The following VWA8 variants were observed in gnomAD, a reference collection of about 807,000 sequenced individuals.
VWA8 encodes the protein von Willebrand factor A domain-containing protein 8.
VWA8 carries 221 observed loss-of-function variants against 241.5 expected under a neutral mutation model. That is an observed-to-expected ratio of 0.91 (90% confidence interval 0.82 to 1.02). The LOEUF is 1.02. Among genes scored for constraint, VWA8 ranks in the 50% least tolerant of loss-of-function variants. The probability of loss-of-function intolerance (pLI) is 0.00; values close to 1 mark genes in which losing one functional copy is unlikely to be tolerated. For synonymous variants in VWA8, 852 were observed against 827.1 expected (o/e 1.03, Z -0.52); for missense variants, 2,322 against 2,328.7 (o/e 1.00, Z 0.06).
intron 2 of VWA8, among the ~76,000 whole-genome samples, chr13:41,931,021 C>T (rs377147960): frequency 2.6e-5 from 4 of 151,806 alleles, no homozygotes; most frequent in South Asian, 2.1e-4. Flanking sequence ...TGGTGGCGCA[C>T]GCCTGTAGTC....
At chr13:41,781,357 G>A (rs530969279) in intron 19 of VWA8, among the ~76,000 whole-genome samples, 30 of 152,114 alleles carry the variant, frequency 2.0e-4, no homozygotes, top group African/African-American at 7.0e-4. Flanking sequence ...TGCTAGTCTC[G>A]TTGCCTGAGA....
chr13:41,645,482 T>C (rs74049537), intron 37 of VWA8, among the ~76,000 whole-genome samples: 1 of 152,212 alleles, frequency 6.6e-6, no homozygotes, highest in African/African-American at 2.4e-5. Flanking sequence ...ATATTACAAA[T>C]ACCAAACTGA....
chr13:41,789,481 T>C (rs1031234784), intron 17 of VWA8, among the ~76,000 whole-genome samples: 2 of 152,040 alleles, frequency 1.3e-5, no homozygotes, highest in African/African-American at 4.8e-5. Context: ...CAAAAAAAAA[T>C]TGGAAAAGCT....
In VWA8 at chr13:41,719,680, G is replaced by A; in HGVS notation, c.3027C>T (p.Asn1009=). ...VRNVFDFDSY[N]NDMREILINT... Reference sequence around the variant, plus strand: ...TAATCAATATCTCCCTCATGTCATTGTTGTAGGAATCAAAGTCAAACACAT... The same window carrying A: ...TAATCAATATCTCCCTCATGTCATTATTGTAGGAATCAAAGTCAAACACAT... Residue 1009 remains asparagine, a synonymous_variant, in exon 26 of 45, where the codon AAC becomes AAT. Transcript: ENST00000379310. 4 of 1,613,202 alleles carry A rather than the reference G, an allele frequency of 2.5e-6. 1 individual carries two copies. In the South Asian group the frequency reaches 4.4e-5, roughly 18 times the overall value.
intron 21 of VWA8, among the ~76,000 whole-genome samples, chr13:41,758,453 A>G (rs1488792763): frequency 4.5e-5 from 6 of 133,030 alleles, no homozygotes; most frequent in Non-Finnish European, 8.0e-5. Context: ...TATTCCATAT[A>G]TATGGAATAT....
chr13:41,699,313 TTCTC>T, intron 28 of VWA8, 43 bp from the exon 29 acceptor site: 1 of 1,596,692 alleles, frequency 6.3e-7, no homozygotes, highest in Non-Finnish European at 8.6e-7. Context: ...TGGCAACCAA[TTCTC>T]TAATTGGCCA....
intron 42 of VWA8, among the ~76,000 whole-genome samples, chr13:41,579,252 C>A (rs1010146807): frequency 6.6e-6 from 1 of 152,136 alleles, no homozygotes; most frequent in Non-Finnish European, 1.5e-5. Flanking sequence ...TATAAATACA[C>A]CATTCTCATT....
chr13:41,702,455 A>G (rs2045256542), intron 27 of VWA8, among the ~76,000 whole-genome samples: 1 of 152,228 alleles, frequency 6.6e-6, no homozygotes, highest in South Asian at 2.1e-4. Context: ...GATAGCAGAC[A>G]AGGAGGCTCT....
In VWA8 at chr13:41,911,067, T is replaced by C. The variant is rs914604756; in HGVS notation, c.372+971A>G. Among the ~76,000 whole-genome samples the C allele has an allele frequency of 8.8e-5, 13 of 148,468 alleles. No individual in the cohort carries two copies. The South Asian group carries it at 1.1e-3, about 12-fold the overall frequency. On this transcript the variant is annotated intron_variant, in intron 3 of 44. Coordinates refer to ENST00000379310, the MANE Select transcript of VWA8 (RefSeq NM_015058.2). The stretch of plus-strand genomic sequence containing the variant: ...AACATTTGTACATTTTCTTTCTTTT[T>C]TTTTTTTTTTTTTTGAGACGGAGTC...
intron 4 of VWA8, among the ~76,000 whole-genome samples, chr13:41,902,386 T>A (rs538032105): frequency 2.0e-5 from 3 of 152,344 alleles, no homozygotes; most frequent in African/African-American, 7.2e-5. Context: ...AAAATATTCA[T>A]GCTGCTCGTC....
rs151133535 is a variant in VWA8 at position 41,666,804 on chromosome 13, T to C, written c.4611+4142A>G. ...CAGGCAATGCCCAAGTGTTACCATA[T>C]AGGGAAACAGCTGGATCATCTTGCT... On this transcript the variant is annotated intron_variant, in intron 37 of 44. Transcript: ENST00000379310. 2.9e-4 allele frequency among the ~76,000 whole-genome samples: 44 copies of C among 152,200 alleles called. 1 individual carries two copies. In the East Asian group the frequency reaches 8.5e-3, roughly 29 times the overall value.
chr13:41,877,999 A>G (rs1182964631), intron 9 of VWA8, among the ~76,000 whole-genome samples: 1 of 152,080 alleles, frequency 6.6e-6, no homozygotes. Flanking sequence ...ATTCTATCTG[A>G]TTGAATTTTC....
At chr13:41,941,614 C>G (rs1271781580) in intron 2 of VWA8, among the ~76,000 whole-genome samples, 4 of 152,148 alleles carry the variant, frequency 2.6e-5, no homozygotes, top group Non-Finnish European at 5.9e-5. Context: ...ATATTTTTAG[C>G]ATATCTCTTC....
At chr13:41,687,419 A>G (rs2045144052) in intron 34 of VWA8, among the ~76,000 whole-genome samples, 1 of 152,192 alleles carries the variant, frequency 6.6e-6, no homozygotes, top group Non-Finnish European at 1.5e-5. Flanking sequence ...TTTAGATGCC[A>G]CTGATAACTC....
intron 30 of VWA8, 64 bp from the exon 31 acceptor site, chr13:41,692,002 G>T (rs765367043): frequency 1.9e-6 from 2 of 1,053,912 alleles, no homozygotes; most frequent in Non-Finnish European, 2.9e-6. Context: ...TCCCTCTTTA[G>T]CTACTTCCCC....
At chr13:41,583,051 C>T (rs1203650493) in intron 42 of VWA8, among the ~76,000 whole-genome samples, 2 of 152,138 alleles carry the variant, frequency 1.3e-5, no homozygotes, top group East Asian at 1.9e-4. Flanking sequence ...TGAGAGGGAT[C>T]CTGGATCCAA....
At chr13:41,698,823 G>A (rs1453209867) in intron 29 of VWA8, among the ~76,000 whole-genome samples, 1 of 152,150 alleles carries the variant, frequency 6.6e-6, no homozygotes, top group Non-Finnish European at 1.5e-5. Context: ...GACCTCAGAT[G>A]TCAATAGTGT....
chr13:41,940,843 A>G (rs1465168805), intron 2 of VWA8, among the ~76,000 whole-genome samples: 1 of 152,196 alleles, frequency 6.6e-6, no homozygotes, highest in East Asian at 1.9e-4. Context: ...CATCATCTTG[A>G]TGTACAAAGG....
intron 26 of VWA8, among the ~76,000 whole-genome samples, chr13:41,710,900 G>T (rs2045311779): frequency 6.6e-6 from 1 of 152,194 alleles, no homozygotes; most frequent in Non-Finnish European, 1.5e-5. Flanking sequence ...CTCCATAGTT[G>T]TTCTTTGTTA....
Sources: gnomAD v4.1 joint callset for allele counts (sites outside exome capture counted in the v4.1 genomes callset) on GRCh38, gnomAD v4.1.1 for gene constraint, MANE v1.5 for transcripts, NCBI Gene and HGNC (gene_info 2026-07-23, HGNC 2026-07-21) for gene names.